GLIS3: variants seen among roughly 807,000 people sequenced by gnomAD.
GLIS3 encodes zinc finger protein GLIS3.
Under a neutral mutation model 78.6 loss-of-function variants are expected in GLIS3, and 53 were observed. That is an observed-to-expected ratio of 0.67 (90% CI 0.54 to 0.85). The LOEUF (loss-of-function observed/expected upper bound fraction) is 0.85, where lower values mean the gene tolerates loss of function less well. Ranked by LOEUF, GLIS3 falls within the 40% of genes least tolerant of loss-of-function variation. GLIS3 has a pLI of 0.00. For synonymous variants in GLIS3, 684 were observed against 509.9 expected (o/e 1.34, Z -4.60); for missense variants, 1,703 against 1,231.1 (o/e 1.38, Z -5.74).
At chr9:3,956,469 C>T (rs1342666723) in intron 4 of GLIS3, among the ~76,000 whole-genome samples, 2 of 152,188 alleles carry the variant, frequency 1.3e-5, no homozygotes, top group African/African-American at 4.8e-5. Context: ...ACCCAATCTT[C>T]AAGCAGAATA....
At chr9:4,082,178 G>A (rs1037361295) in intron 4 of GLIS3, among the ~76,000 whole-genome samples, 5 of 152,130 alleles carry the variant, frequency 3.3e-5, no homozygotes, top group East Asian at 1.9e-4. Context: ...TTGCATCTCC[G>A]AGTAAGAGCA....
At chr9:4,263,698 T>A (rs1318928206) in intron 2 of GLIS3, among the ~76,000 whole-genome samples, 1 of 152,206 alleles carries the variant, frequency 6.6e-6, no homozygotes, top group Admixed American at 6.5e-5. Flanking sequence ...GACCTTCATC[T>A]TCCCCAATGC....
At chr9:3,938,990 A>C (rs1826050005) in intron 4 of GLIS3, among the ~76,000 whole-genome samples, 1 of 152,194 alleles carries the variant, frequency 6.6e-6, no homozygotes, top group Non-Finnish European at 1.5e-5. Flanking sequence ...CTTGGAGCTC[A>C]GTTTATTTGA....
intron 2 of GLIS3, among the ~76,000 whole-genome samples, chr9:4,261,174 G>T (rs921487856): frequency 6.6e-6 from 1 of 152,154 alleles, no homozygotes; most frequent in Admixed American, 6.5e-5. Flanking sequence ...TCATTCATAG[G>T]ATCATCTGAC....
chr9:4,388,390 G>C, the GLIS3 span, among the ~76,000 whole-genome samples: 1 of 152,084 alleles, frequency 6.6e-6, no homozygotes, highest in Non-Finnish European at 1.5e-5. Context: ...TAAGAGTAGA[G>C]AGGCAGGGCC....
chr9:4,461,802 C>T, the GLIS3 span, among the ~76,000 whole-genome samples: 9 of 152,264 alleles, frequency 5.9e-5, no homozygotes, highest in South Asian at 1.5e-3. Flanking sequence ...AAATAAAGAT[C>T]AAGTGGAGCT....
intron 4 of GLIS3, among the ~76,000 whole-genome samples, chr9:4,092,152 A>AT (rs112790451): frequency 0.27 from 37,277 of 137,402 alleles, 5,449 homozygotes; most frequent in East Asian, 0.46. Flanking sequence ...CTGTTTTACA[A>AT]TTTTTTTTTT....
chr9:4,458,617 ATC>A, the GLIS3 span, among the ~76,000 whole-genome samples: 2 of 152,188 alleles, frequency 1.3e-5, no homozygotes, highest in Non-Finnish European at 2.9e-5. Context: ...GTGAAATCCC[ATC>A]TCTACTAAAA....
chr9:4,100,780 G>C (rs1183629468), intron 4 of GLIS3, among the ~76,000 whole-genome samples: 1 of 152,158 alleles, frequency 6.6e-6, no homozygotes, highest in Non-Finnish European at 1.5e-5. Flanking sequence ...AGCATAGAAA[G>C]CCATTTTACT....
intron 2 of GLIS3, among the ~76,000 whole-genome samples, chr9:4,319,152 T>A (rs1817482680): frequency 6.6e-6 from 1 of 152,190 alleles, no homozygotes. Context: ...CTCAGCTGGA[T>A]TCTGAATGAG....
At chr9:4,055,868 C>T (rs1451583790) in intron 4 of GLIS3, among the ~76,000 whole-genome samples, 1 of 152,160 alleles carries the variant, frequency 6.6e-6, no homozygotes. Context: ...TAGAACATTT[C>T]TTTTGCAGGT....
At chr9:4,454,583 A>T in the GLIS3 span, among the ~76,000 whole-genome samples, 1 of 152,250 alleles carries the variant, frequency 6.6e-6, no homozygotes, top group East Asian at 1.9e-4. Context: ...AATCTAGGAG[A>T]TACTAGTGGA....
At chr9:4,487,323 T>C in the GLIS3 span, among the ~76,000 whole-genome samples, 9 of 151,936 alleles carry the variant, frequency 5.9e-5, no homozygotes, top group Admixed American at 5.2e-4. Context: ...AAATTGGTGG[T>C]GATATTTGTT....
intron 4 of GLIS3, among the ~76,000 whole-genome samples, chr9:4,051,187 T>C (rs930213065): frequency 2.6e-5 from 4 of 152,208 alleles, no homozygotes; most frequent in Non-Finnish European, 4.4e-5. Flanking sequence ...ACTAAGCCTC[T>C]CTTCTCTCAC....
chr9:4,349,729 AATACTT>A (rs1817939660), upstream of GLIS3, among the ~76,000 whole-genome samples: 1 of 152,216 alleles, frequency 6.6e-6, no homozygotes, highest in African/African-American at 2.4e-5. Context: ...CAGAAAAAAA[AATACTT>A]TAAGCAGGGC....
At chr9:4,001,429 T>C (rs1009508981) in intron 4 of GLIS3, among the ~76,000 whole-genome samples, 4 of 152,168 alleles carry the variant, frequency 2.6e-5, no homozygotes, top group African/African-American at 9.7e-5. Context: ...CAGAGACAAA[T>C]AAATTTAGGC....
At chr9:4,200,453 A>C (rs1362262571) in intron 2 of GLIS3, among the ~76,000 whole-genome samples, 2 of 152,198 alleles carry the variant, frequency 1.3e-5, no homozygotes, top group African/African-American at 2.4e-5. Context: ...AAATAAGCAC[A>C]ATCAGAAATG....
chr9:3,967,879 G>C (rs558706), intron 4 of GLIS3, among the ~76,000 whole-genome samples: 40,501 of 152,116 alleles, frequency 0.27, 5,657 homozygotes, highest in African/African-American at 0.31. Context: ...TTTTAAGGGG[G>C]AGAGTGATGG....
rs147545355 is a variant in GLIS3, at chr9:4,199,136, T to C, written c.389-73195A>G. Among the ~76,000 whole-genome samples, 213 of 152,276 alleles carry C rather than the reference T, an allele frequency of 1.4e-3. 2 individuals are homozygous for C. Among genetic ancestry groups the C allele is most frequent in the African/African-American group, 4.6e-3 (191 of 41,552 alleles). On this transcript the variant is annotated intron_variant, in intron 2 of 10. Transcript: ENST00000381971. Reference sequence around the variant, plus strand: ...ACTTAAGCAGATAGCCCACAAATCCTATAAAGCAATCACCCAATAGAAACT... The same window carrying C: ...ACTTAAGCAGATAGCCCACAAATCCCATAAAGCAATCACCCAATAGAAACT...
Sources: gnomAD v4.1 joint callset for allele counts (sites outside exome capture counted in the v4.1 genomes callset) on GRCh38, gnomAD v4.1.1 for gene constraint, MANE v1.5 for transcripts, NCBI Gene and HGNC (gene_info 2026-07-23, HGNC 2026-07-21) for gene names.